The following RPS6KA5 variants were observed in gnomAD, a reference collection of about 807,000 sequenced individuals.
RPS6KA5 encodes ribosomal protein S6 kinase alpha-5.
In RPS6KA5, 27 loss-of-function variants were observed where a neutral mutation model predicts 85.5. That is an observed-to-expected ratio of 0.32 (90% CI 0.23 to 0.44). RPS6KA5 has a LOEUF of 0.44. Ranked by LOEUF, RPS6KA5 falls within the 20% of genes least tolerant of loss-of-function variation. RPS6KA5 has a pLI of 1.00. For missense variants in RPS6KA5, 811 were observed against 980.9 expected (o/e 0.83, Z 2.31); for synonymous variants, 334 against 348.2 (o/e 0.96, Z 0.46).
intron 7 of RPS6KA5, among the ~76,000 whole-genome samples, chr14:90,907,965 A>ACAT (rs2035601299): frequency 1.3e-5 from 2 of 152,246 alleles, no homozygotes; most frequent in Admixed American, 1.3e-4. Context: ...GCAAATTGTG[A>ACAT]CATTTACTTT....
chr14:90,979,135 T>C (rs1268881377), intron 2 of RPS6KA5, among the ~76,000 whole-genome samples: 1 of 152,254 alleles, frequency 6.6e-6, no homozygotes, highest in Non-Finnish European at 1.5e-5. Context: ...TAGGTCAACC[T>C]TGCCACACTT....
Position 90,856,537 on chromosome 14 carries a change from T to C in RPS6KA5, c.*15537A>G, listed in dbSNP as rs1229427518. On this transcript the variant is annotated 3_prime_UTR_variant, in exon 17 of 17. Coordinates refer to ENST00000614987, the MANE Select transcript of RPS6KA5 (RefSeq NM_004755.4). ...CGCTACCACGCCCGGCTAATTTTTG[T>C]ATTTTATTAGAGATGGAGTTTCTCC... 6.6e-6 allele frequency: 1 copy of C among 152,048 alleles called. No homozygotes were observed. Among genetic ancestry groups the C allele is most frequent in the African/African-American group, 2.4e-5 (1 of 41,374 alleles). The allele number at this position is 152,048 out of a possible 1,614,324, so 9.4% of individuals were successfully genotyped here.
At chr14:90,918,459 T>C (rs762417775) in intron 7 of RPS6KA5, among the ~76,000 whole-genome samples, 9 of 152,226 alleles carry the variant, frequency 5.9e-5, no homozygotes, top group Non-Finnish European at 8.8e-5. Context: ...TAAAATTTTA[T>C]CCCAGTCTGT....
intron 1 of RPS6KA5, among the ~76,000 whole-genome samples, chr14:91,043,062 G>A (rs1385721011): frequency 6.6e-6 from 1 of 151,942 alleles, no homozygotes; most frequent in Non-Finnish European, 1.5e-5. Context: ...CACCAAAATT[G>A]TTCTTGATGA....
intron 14 of RPS6KA5, among the ~76,000 whole-genome samples, chr14:90,883,715 G>A (rs1376433998): frequency 6.6e-6 from 1 of 152,072 alleles, no homozygotes; most frequent in Non-Finnish European, 1.5e-5. Context: ...TGTTGAAAAT[G>A]GGACCTTGAA....
In RPS6KA5 at chr14:90,899,352, A is replaced by C; in HGVS notation, c.1450T>G (p.Leu484Val). 6.2e-7 allele frequency: 1 copy of C among 1,610,226 alleles called. No homozygotes were observed. Among genetic ancestry groups the C allele is most frequent in the Non-Finnish European group, 8.5e-7 (1 of 1,178,182 alleles). Reference sequence around the variant, plus strand: ...ACCTGATCATGAAAAACTTCATGCAACTTCACAATATTGGGGTGTCCTTCA... The same window carrying C: ...ACCTGATCATGAAAAACTTCATGCACCTTCACAATATTGGGGTGTCCTTCA... Reference protein sequence around the residue: ...LCEGHPNIVKLHEVFHDQLHT... With the variant: ...LCEGHPNIVKVHEVFHDQLHT... The change falls in exon 12 of 17, where the codon TTG becomes GTG. Residue 484 changes from leucine to valine, a missense_variant. Leu to Val is a conservative substitution (Grantham distance 32). This residue lies in a region of RPS6KA5 where 650 missense variants were observed against 793.4 expected (regional missense o/e 0.82). Coordinates refer to ENST00000614987, the MANE Select transcript of RPS6KA5 (RefSeq NM_004755.4).
chr14:91,047,013 C>G (rs1335611829), intron 1 of RPS6KA5, among the ~76,000 whole-genome samples: 3 of 143,830 alleles, frequency 2.1e-5, no homozygotes. Flanking sequence ...CATCACTGCA[C>G]TACAGCCTGG....
rs562176628 is a variant in RPS6KA5 at position 90,875,119 on chromosome 14, A to C, written c.1996+82T>G. 3 of 1,306,706 alleles carry C rather than the reference A, an allele frequency of 2.3e-6. No homozygotes were observed. The African/African-American group carries it at 4.4e-5, about 19-fold the overall frequency. 80.9% of individuals were successfully genotyped at this position (1,306,706 alleles called of 1,614,324 possible). On this transcript the variant is annotated intron_variant, in intron 15 of 16. Coordinates refer to ENST00000614987, the MANE Select transcript of RPS6KA5 (RefSeq NM_004755.4). ...CACATGGATTCCTCGAGTAATTAAC[A>C]TATGAATGTATGTGTAATGGCCATG... is the stretch of plus-strand genomic sequence containing the variant.
chr14:90,996,126 C>T (rs1219124093), intron 2 of RPS6KA5, among the ~76,000 whole-genome samples: 1 of 152,168 alleles, frequency 6.6e-6, no homozygotes, highest in Non-Finnish European at 1.5e-5. Context: ...ATATTCCTAC[C>T]TCAGCATCCC....
chr14:90,890,128 T>A (rs906382101), intron 14 of RPS6KA5, among the ~76,000 whole-genome samples: 4 of 152,226 alleles, frequency 2.6e-5, no homozygotes, highest in African/African-American at 4.8e-5. Flanking sequence ...AGTCTGAAAC[T>A]TCACAGAAGT....
chr14:91,057,916 G>C (rs1008644083), intron 1 of RPS6KA5, among the ~76,000 whole-genome samples: 8 of 152,170 alleles, frequency 5.3e-5, no homozygotes, highest in Non-Finnish European at 8.8e-5. Flanking sequence ...GCAGAGACGG[G>C]ATTTAGAATC....
At chr14:90,964,215 A>G (rs1275760761) in intron 3 of RPS6KA5, among the ~76,000 whole-genome samples, 2 of 152,258 alleles carry the variant, frequency 1.3e-5, no homozygotes, top group Non-Finnish European at 2.9e-5. Flanking sequence ...TAAGCTGTGT[A>G]TAGCAATCAA....
At chr14:90,921,118 C>T (rs1028248924) in intron 6 of RPS6KA5, among the ~76,000 whole-genome samples, 1 of 151,942 alleles carries the variant, frequency 6.6e-6, no homozygotes, top group Non-Finnish European at 1.5e-5. Flanking sequence ...GAGTGTACAC[C>T]AATGAGAAAT....
chr14:90,925,599 C>T (rs77167966), intron 5 of RPS6KA5, among the ~76,000 whole-genome samples: 3,182 of 152,090 alleles, frequency 0.021, 47 homozygotes, highest in Middle Eastern at 0.034. Context: ...TCCTATAAAG[C>T]GCTGATGTCT....
chr14:91,032,243 G>A (rs958904127), intron 1 of RPS6KA5, among the ~76,000 whole-genome samples: 10 of 152,184 alleles, frequency 6.6e-5, no homozygotes, highest in Non-Finnish European at 1.2e-4. Flanking sequence ...ATATTCTTTT[G>A]TGAATGTGAA....
chr14:90,938,183 C>G (rs149221573), intron 5 of RPS6KA5, among the ~76,000 whole-genome samples: 1 of 152,158 alleles, frequency 6.6e-6, no homozygotes, highest in Admixed American at 6.6e-5. Context: ...CAAAATCCAG[C>G]GGGGCAGTCA....
intron 5 of RPS6KA5, among the ~76,000 whole-genome samples, chr14:90,934,906 A>G (rs1453748821): frequency 6.6e-6 from 1 of 152,206 alleles, no homozygotes; most frequent in Non-Finnish European, 1.5e-5. Flanking sequence ...GAACTGGGGC[A>G]ACAGGGTAAC....
intron 8 of RPS6KA5, among the ~76,000 whole-genome samples, chr14:90,904,002 A>G (rs1185376559): frequency 1.3e-5 from 2 of 150,850 alleles, no homozygotes; most frequent in Non-Finnish European, 2.9e-5. Flanking sequence ...GCTGGAGGGC[A>G]GTGGCGCGAT....
At chr14:91,035,518 A>T (rs186058448) in intron 1 of RPS6KA5, among the ~76,000 whole-genome samples, 2 of 152,284 alleles carry the variant, frequency 1.3e-5, no homozygotes, top group Admixed American at 1.3e-4. Flanking sequence ...AACAGGTGTG[A>T]TGGTTAGCCT....
Sources: allele counts gnomAD v4.1 joint callset (sites outside exome capture counted in the v4.1 genomes callset), GRCh38; gene constraint gnomAD v4.1.1; regional missense constraint gnomAD v4.1.1; transcripts MANE v1.5; gene names NCBI Gene and HGNC (gene_info 2026-07-23, HGNC 2026-07-21).